The following MYRIP variants were observed in gnomAD, a reference collection of about 807,000 sequenced individuals.
MYRIP encodes rab effector MyRIP.
In MYRIP, 49 loss-of-function variants were observed where a neutral mutation model predicts 98.0. The ratio of observed to expected loss-of-function variants is 0.50; its 90% CI spans 0.40 to 0.63. The LOEUF (loss-of-function observed/expected upper bound fraction) is 0.63, where lower values mean the gene tolerates loss of function less well. Ranked by LOEUF, MYRIP falls within the 30% of genes least tolerant of loss-of-function variation. MYRIP has a pLI of 0.00. For missense variants in MYRIP, 1,004 were observed against 1,058.2 expected (o/e 0.95, Z 0.71); for synonymous variants, 404 against 409.5 (o/e 0.99, Z 0.16).
At chr3:39,838,222 C>G (rs1366896318) in intron 1 of MYRIP, among the ~76,000 whole-genome samples, 2 of 151,198 alleles carry the variant, frequency 1.3e-5, no homozygotes, top group African/African-American at 4.9e-5. Flanking sequence ...TCTGATTGCC[C>G]TGGCCGGAAC....
chr3:40,087,174 G>A (rs1365201681), intron 3 of MYRIP, among the ~76,000 whole-genome samples: 1 of 152,002 alleles, frequency 6.6e-6, no homozygotes, highest in African/African-American at 2.4e-5. Context: ...TGAGGAAGTG[G>A]TGTGGCTGAG....
chr3:40,127,133 C>T (rs1178619409), intron 3 of MYRIP, among the ~76,000 whole-genome samples: 3 of 152,140 alleles, frequency 2.0e-5, no homozygotes, highest in Non-Finnish European at 2.9e-5. Flanking sequence ...TAGAAGAAAA[C>T]ACCTTTCTTA....
intron 14 of MYRIP, 48 bp from the exon 15 acceptor site, chr3:40,250,391 T>C: frequency 6.2e-7 from 1 of 1,613,290 alleles, no homozygotes; most frequent in Non-Finnish European, 8.5e-7. Flanking sequence ...GAAGACAAAA[T>C]ATCTTTGGCT....
At position 40,190,322 on chromosome 3, in the gene MYRIP, G is replaced by A. The variant is rs753987518; in HGVS notation, c.1524G>A (p.Ser508=). The A allele has an allele frequency of 7.4e-6, 12 of 1,613,900 alleles. No individual in the cohort carries two copies. The highest frequency in any genetic ancestry group is 2.7e-5 in the African/African-American group (2 of 74,886). The change falls in exon 10 of 17, where the codon TCG becomes TCA. Residue 508 remains serine (S), a synonymous_variant. Coordinates refer to ENST00000302541, the MANE Select transcript of MYRIP (RefSeq NM_015460.4). Reference sequence around the variant, plus strand: ...CCCAGTTGGCCAGCAGGGAGACCTCGGACAGCAGCGAGCCGGAGGAGGCCC... The same window carrying A: ...CCCAGTTGGCCAGCAGGGAGACCTCAGACAGCAGCGAGCCGGAGGAGGCCC... ...FNPQLASRET[S]DSSEPEEAPH...
intron 1 of MYRIP, among the ~76,000 whole-genome samples, chr3:39,854,042 T>C (rs1447943654): frequency 6.6e-6 from 1 of 152,206 alleles, no homozygotes; most frequent in Non-Finnish European, 1.5e-5. Flanking sequence ...GTTTGCTTTG[T>C]TGAAGATTAG....
intron 3 of MYRIP, among the ~76,000 whole-genome samples, chr3:40,128,976 T>C (rs1295284422): frequency 1.3e-5 from 2 of 152,294 alleles, no homozygotes; most frequent in East Asian, 3.9e-4. Context: ...CTTATAACTA[T>C]TGTATCTGAA....
chr3:39,922,578 A>G (rs1944329251), intron 2 of MYRIP, among the ~76,000 whole-genome samples: 1 of 152,158 alleles, frequency 6.6e-6, no homozygotes, highest in African/African-American at 2.4e-5. Flanking sequence ...CCTCCACTGT[A>G]GAGTAAGCAG....
chr3:39,989,727 G>T (rs1946124464), intron 2 of MYRIP, among the ~76,000 whole-genome samples: 1 of 152,226 alleles, frequency 6.6e-6, no homozygotes. Flanking sequence ...AGTTGTTGGA[G>T]TTCCTGTAGG....
At chr3:40,178,116 C>A (rs1950807647) in intron 8 of MYRIP, among the ~76,000 whole-genome samples, 1 of 152,270 alleles carries the variant, frequency 6.6e-6, no homozygotes, top group East Asian at 1.9e-4. Flanking sequence ...TAAAAACATT[C>A]TTTCCCTGTT....
At chr3:39,867,554 C>A (rs1457466956) in intron 1 of MYRIP, among the ~76,000 whole-genome samples, 1 of 152,110 alleles carries the variant, frequency 6.6e-6, no homozygotes, top group East Asian at 1.9e-4. Context: ...TGAAAAAGTG[C>A]TCAACATCAC....
chr3:39,929,100 A>G (rs572950957), intron 2 of MYRIP, among the ~76,000 whole-genome samples: 1 of 152,100 alleles, frequency 6.6e-6, no homozygotes, highest in South Asian at 2.1e-4. Flanking sequence ...AAATTAAAAC[A>G]TATGGACACA....
chr3:39,929,516 C>T (rs866786186), intron 2 of MYRIP, among the ~76,000 whole-genome samples: 1 of 152,136 alleles, frequency 6.6e-6, no homozygotes, highest in African/African-American at 2.4e-5. Flanking sequence ...GTGGTATTGG[C>T]AGAGTGATGG....
At chr3:40,081,993 G>T (rs148810041) in intron 3 of MYRIP, among the ~76,000 whole-genome samples, 1 of 152,278 alleles carries the variant, frequency 6.6e-6, no homozygotes, top group Admixed American at 6.5e-5. Flanking sequence ...TGTTGCAAAT[G>T]ACAAAATTCC....
At chr3:39,883,507 A>C (rs1943208891) in intron 1 of MYRIP, among the ~76,000 whole-genome samples, 1 of 152,146 alleles carries the variant, frequency 6.6e-6, no homozygotes, top group Admixed American at 6.6e-5. Context: ...AAATAACTAT[A>C]TGTTACTACA....
In MYRIP at chr3:40,258,203, C is replaced by T. The variant is rs769223850; in HGVS notation, c.*37C>T. On this transcript the variant is annotated 3_prime_UTR_variant, in exon 17 of 17. Transcript: ENST00000302541. ...TCCACTGCCAGTGACCCACTGCCTC[C>T]GGCCGTACACGACAGTGCCTTGACC... 3.1e-6 allele frequency: 5 copies of T among 1,613,332 alleles called. No individual in the cohort carries two copies. The highest frequency in any genetic ancestry group is 1.7e-4 in the Middle Eastern group (1 of 6,054).
intron 10 of MYRIP, among the ~76,000 whole-genome samples, chr3:40,194,602 C>T (rs982686686): frequency 1.3e-5 from 2 of 152,094 alleles, no homozygotes; most frequent in East Asian, 1.9e-4. Flanking sequence ...GCTCAAGTTG[C>T]AAAGAAGCCT....
intron 3 of MYRIP, among the ~76,000 whole-genome samples, chr3:40,065,622 C>T (rs912590757): frequency 7.2e-5 from 11 of 152,162 alleles, no homozygotes; most frequent in African/African-American, 2.2e-4. Flanking sequence ...GAAGATGTTA[C>T]ATAGGCATGT....
chr3:39,964,920 A>T (rs1177691011), intron 2 of MYRIP, among the ~76,000 whole-genome samples: 3 of 152,134 alleles, frequency 2.0e-5, no homozygotes, highest in Admixed American at 2.0e-4. Context: ...ATTTTGATAC[A>T]GACATTTTCT....
intron 2 of MYRIP, among the ~76,000 whole-genome samples, chr3:39,917,980 G>T (rs1944205758): frequency 6.7e-6 from 1 of 150,286 alleles, no homozygotes; most frequent in Non-Finnish European, 1.5e-5. Context: ...AGGCTGGAGT[G>T]CAGTGGCGCG....
Sources: allele counts gnomAD v4.1 joint callset (sites outside exome capture counted in the v4.1 genomes callset), GRCh38; gene constraint gnomAD v4.1.1; transcripts MANE v1.5; gene names NCBI Gene and HGNC (gene_info 2026-07-23, HGNC 2026-07-21).